Variants in TIE1 observed in about 807,000 individuals in gnomAD.
TIE1 encodes the protein tyrosine-protein kinase receptor Tie-1.
In TIE1, 89 loss-of-function variants were observed where a neutral mutation model predicts 130.5. The ratio of observed to expected loss-of-function variants is 0.68; its 90% CI spans 0.57 to 0.81. The LOEUF (loss-of-function observed/expected upper bound fraction) is 0.81, where lower values mean the gene tolerates loss of function less well. TIE1 is among the 40% of genes least tolerant of loss of function. The pLI is 0.00. For synonymous variants in TIE1, 568 were observed against 629.4 expected, an observed-to-expected ratio of 0.90 and a Z score of 1.46; for missense variants, 1,392 against 1,559.8, an observed-to-expected ratio of 0.89 and a Z score of 1.81.
At chr1:43,308,932 T>C (rs777210616) in intron 7 of TIE1, 54 bp from the exon 8 acceptor site, 54 of 1,613,160 alleles carry the variant, frequency 3.3e-5, no homozygotes, top group Non-Finnish European at 4.5e-5. Context: ...GGCGCTTTGG[T>C]GGTCACGTGT....
chr1:43,313,905 C>A lies in TIE1; in HGVS notation c.2346C>A (p.Thr782=). The change falls in exon 14 of 23, where the codon ACC becomes ACA. Residue 782 remains threonine (T), a synonymous_variant. Coordinates refer to ENST00000372476, the MANE Select transcript of TIE1 (RefSeq NM_005424.5). The surrounding 1 kb of genome is among the most constrained non-coding windows in gnomAD (Gnocchi z 6.2). Reference sequence around the variant, plus strand: ...TCACCATCCTGGCTGCCCTTTTAACCCTGGTGTGCATCCGCAGAAGCTGCC... The same window carrying A: ...TCACCATCCTGGCTGCCCTTTTAACACTGGTGTGCATCCGCAGAAGCTGCC... ...TCLTILAALL[T]LVCIRRSCLH... 1.2e-6 allele frequency: 2 copies of A among 1,614,148 alleles called. No homozygotes were observed. The highest frequency in any genetic ancestry group is 2.2e-5 in the East Asian group (1 of 44,856).
Position 43,317,873 on chromosome 1 carries a change from G to C in TIE1, c.2732-9G>C. The C allele has an allele frequency of 6.2e-7, 1 of 1,613,436 alleles. No homozygotes were observed. Among genetic ancestry groups the C allele is most frequent in the Non-Finnish European group, 8.5e-7 (1 of 1,179,674 alleles). On this transcript the variant is annotated splice_polypyrimidine_tract_variant and intron_variant, in intron 16 of 22. Coordinates refer to ENST00000372476, the MANE Select transcript of TIE1 (RefSeq NM_005424.5). The surrounding 1 kb of genome is among the most constrained non-coding windows in gnomAD (Gnocchi z 5.1). ...CTAAATCACCACTGTCTGTCTCTTT[G>C]CCTCTCAGGTTACTTGTATATCGCT...
At position 43,313,936 on chromosome 1, in the gene TIE1, C is replaced by T. The variant is rs761404235; in HGVS notation, c.2377C>T (p.Arg793Trp). 7 of 1,614,160 alleles carry T rather than the reference C, an allele frequency of 4.3e-6. No individual in the cohort carries two copies. The highest frequency in any genetic ancestry group is 4.5e-5 in the East Asian group (2 of 44,874). Residue 793 changes from arginine (R) to tryptophan (W), a missense_variant, in exon 14 of 23, where the codon CGG (arginine) becomes TGG (tryptophan). Transcript: ENST00000372476. This position sits in a 1 kb window ranked among gnomAD's most constrained non-coding sequence, Gnocchi z 6.2. ...GTGCATCCGCAGAAGCTGCCTGCAT[C>T]GGAGACGCACCTTCACCTACCAGTC... ...LVCIRRSCLHRRRTFTYQSGS... is the reference protein window; with the variant it reads ...LVCIRRSCLHWRRTFTYQSGS...
Position 43,316,851 on chromosome 1 carries a change from T to A in TIE1, c.2410-348T>A, listed in dbSNP as rs143026208. ...CCTTTTCTGTTTTAAATGTTAGAAA[T>A]ATCCTCCTTCCATTGACTCACATTG... On this transcript the variant is annotated intron_variant, in intron 14 of 22. Transcript: ENST00000372476. The surrounding 1 kb of genome is among the most constrained non-coding windows in gnomAD (Gnocchi z 4.4). 1.9e-3 allele frequency among the ~76,000 whole-genome samples: 285 copies of A among 152,308 alleles called. 1 individual carries two copies. The highest frequency in any genetic ancestry group is 3.0e-3 in the Non-Finnish European group (206 of 68,010).
At chr1:43,302,630 G>A (rs1179233616) in intron 1 of TIE1, 1 of 152,288 alleles carries the variant, frequency 6.6e-6, no homozygotes, top group Non-Finnish European at 1.5e-5. Context: ...GGGAGAGAAG[G>A]TGCCTGTTAG....
chr1:43,305,088 T>TCGTGGGCGTCTTCTCCTG lies in TIE1; in HGVS notation c.305_322dup (p.Val102_Gly107dup), dbSNP rs1646713313. 20 of 1,612,558 alleles carry TCGTGGGCGTCTTCTCCTG rather than the reference T, an allele frequency of 1.2e-5. No homozygotes were observed. The highest frequency in any genetic ancestry group is 2.2e-5 in the East Asian group (1 of 44,842). On this transcript the variant is annotated inframe_insertion, in exon 2 of 23. Coordinates refer to ENST00000372476, the MANE Select transcript of TIE1 (RefSeq NM_005424.5). ...CGCGGCTTCTCCAAGCCCTCGGACCTCGTGGGCGTCTTCTCCTGCGTGGGC... is the reference window on the plus strand; with the variant it reads ...CGCGGCTTCTCCAAGCCCTCGGACCTCGTGGGCGTCTTCTCCTGCGTGGGCGTCTTCTCCTGCGTGGGC...
In TIE1 at chr1:43,313,520, C is replaced by A; in HGVS notation, c.2218+95C>A. ...ATCACCCCCTACTGTGGAGCTAGGG[C>A]ATCCCAGGCCCCTCCTGACAAAGAG... On this transcript the variant is annotated intron_variant, in intron 13 of 22. Transcript: ENST00000372476. The surrounding 1 kb of genome is among the most constrained non-coding windows in gnomAD (Gnocchi z 6.2). 1.4e-6 allele frequency: 2 copies of A among 1,442,656 alleles called. No homozygotes were observed. Among genetic ancestry groups the A allele is most frequent in the Non-Finnish European group, 1.9e-6 (2 of 1,058,952 alleles). The allele number at this position is 1,442,656 out of a possible 1,614,324, so 89.4% of individuals were successfully genotyped here.
At position 43,319,542 on chromosome 1, in the gene TIE1, T is replaced by C. The variant is rs372133673; in HGVS notation, c.3107+13T>C. 6.2e-7 allele frequency: 1 copy of C among 1,613,350 alleles called. No homozygotes were observed. The highest frequency in any genetic ancestry group is 8.5e-7 in the Non-Finnish European group (1 of 1,179,598). On this transcript the variant is annotated intron_variant, in intron 19 of 22. Transcript: ENST00000372476. This position sits in a 1 kb window ranked among gnomAD's most constrained non-coding sequence, Gnocchi z 4.7. Reference sequence around the variant, plus strand: ...CCAAGAGTGATGTGTGAGTGTGAGATGAGAGGGCACAGGAGGGCTTGGCCC... The same window carrying C: ...CCAAGAGTGATGTGTGAGTGTGAGACGAGAGGGCACAGGAGGGCTTGGCCC...
At chr1:43,321,233 C>A (rs1246449436) in intron 19 of TIE1, 36 bp from the exon 20 acceptor site, 2 of 1,612,184 alleles carry the variant, frequency 1.2e-6, no homozygotes, top group African/African-American at 2.7e-5. Flanking sequence ...GGGACCAGGG[C>A]CTAGAAGGTA....
In TIE1 at chr1:43,318,280, T is replaced by A. The variant is rs888748372; in HGVS notation, c.2922+208T>A. Among the ~76,000 whole-genome samples the A allele has an allele frequency of 6.6e-6, 1 of 151,956 alleles. No individual in the cohort carries two copies. The highest frequency in any genetic ancestry group is 1.5e-5 in the Non-Finnish European group (1 of 67,986). On this transcript the variant is annotated intron_variant, in intron 17 of 22. Coordinates refer to ENST00000372476, the MANE Select transcript of TIE1 (RefSeq NM_005424.5). The surrounding 1 kb of genome is among the most constrained non-coding windows in gnomAD (Gnocchi z 4.4). ...CAGTATGGAGGGTGCGGGTGTTGAG[T>A]GAGCAGGTCTAGATGCTAGCCTGGA...
At position 43,317,980 on chromosome 1, in the gene TIE1, G is replaced by A; in HGVS notation, c.2830G>A (p.Glu944Lys). Residue 944 changes from glutamate to lysine, a missense_variant, in exon 17 of 23, where the codon GAG becomes AAG. Physicochemically the swap from Glu to Lys is moderately conservative, Grantham distance 56. Coordinates refer to ENST00000372476, the MANE Select transcript of TIE1 (RefSeq NM_005424.5). This position sits in a 1 kb window ranked among gnomAD's most constrained non-coding sequence, Gnocchi z 5.1. ...AGAGACTGACCCAGCTTTTGCTCGA[G>A]AGCATGGGACAGCCTCTACCCTTAG... ...VLETDPAFAR[E>K]HGTASTLSSR... 6.2e-7 allele frequency: 1 copy of A among 1,612,324 alleles called. No individual in the cohort carries two copies. Among genetic ancestry groups the A allele is most frequent in the African/African-American group, 1.3e-5 (1 of 75,032 alleles).
At chr1:43,304,731 G>A (rs1646706278) in intron 1 of TIE1, 120 bp from the exon 2 acceptor site, 5 of 1,091,548 alleles carry the variant, frequency 4.6e-6, no homozygotes, top group Non-Finnish European at 1.2e-6. Flanking sequence ...GAGGGGTGAA[G>A]GTTGGAGACC....
intron 7 of TIE1, 190 bp from the exon 8 acceptor site, chr1:43,308,796 G>A (rs149632480): frequency 9.4e-6 from 7 of 745,378 alleles, no homozygotes; most frequent in Non-Finnish European, 1.7e-5. Flanking sequence ...AGGTGGTTAG[G>A]AAGTAGACTT....
At position 43,305,085 on chromosome 1, in the gene TIE1, ACCTCGTGGG is replaced by A; in HGVS notation, c.295_303del (p.Leu99_Gly101del). 1.2e-6 allele frequency: 2 copies of A among 1,612,324 alleles called. No individual in the cohort carries two copies. Among genetic ancestry groups the A allele is most frequent in the Non-Finnish European group, 1.7e-6 (2 of 1,179,132 alleles). ...CTTCGCGGCTTCTCCAAGCCCTCGGACCTCGTGGGCGTCTTCTCCTGCGTGGGCGGTGCT... is the reference window on the plus strand; with the variant it reads ...CTTCGCGGCTTCTCCAAGCCCTCGGACGTCTTCTCCTGCGTGGGCGGTGCT... On this transcript the variant is annotated inframe_deletion, in exon 2 of 23. Coordinates refer to ENST00000372476, the MANE Select transcript of TIE1 (RefSeq NM_005424.5).
rs1232593001 is a variant in TIE1 at position 43,317,841 on chromosome 1, C to T, written c.2732-41C>T. On this transcript the variant is annotated intron_variant, in intron 16 of 22. Coordinates refer to ENST00000372476, the MANE Select transcript of TIE1 (RefSeq NM_005424.5). The surrounding 1 kb of genome is among the most constrained non-coding windows in gnomAD (Gnocchi z 5.1). ...GGGTGCCTGCTCCCACCCTAGGTTGCCTGTGTCTAAATCACCACTGTCTGT... is the reference window on the plus strand; with the variant it reads ...GGGTGCCTGCTCCCACCCTAGGTTGTCTGTGTCTAAATCACCACTGTCTGT... 2 of 1,607,102 alleles carry T rather than the reference C, an allele frequency of 1.2e-6. No homozygotes were observed. Among genetic ancestry groups the T allele is most frequent in the South Asian group, 2.2e-5 (2 of 90,468 alleles).
rs1272876331 is a variant in TIE1, at chr1:43,322,079, C to A, written c.3345+364C>A. ...GCAGAGTGCATGAATAGTCACTAAC[C>A]AGATGGATGGATGGGTGAATGAGTG... On this transcript the variant is annotated intron_variant, in intron 22 of 22. Transcript: ENST00000372476. This position sits in a 1 kb window ranked among gnomAD's most constrained non-coding sequence, Gnocchi z 4.0. 1.3e-5 allele frequency among the ~76,000 whole-genome samples: 2 copies of A among 152,108 alleles called. No individual in the cohort carries two copies. The highest frequency in any genetic ancestry group is 2.9e-5 in the Non-Finnish European group (2 of 68,016).
intron 1 of TIE1, among the ~76,000 whole-genome samples, chr1:43,303,470 C>T (rs1263755933): frequency 1.3e-5 from 2 of 152,296 alleles, no homozygotes; most frequent in East Asian, 1.9e-4. Flanking sequence ...ATGCCAGCTT[C>T]GTTTGCTCAT....
chr1:43,321,809 G>GC, intron 22 of TIE1, 94 bp downstream of exon 22: 1 of 1,225,174 alleles, frequency 8.2e-7, no homozygotes. Context: ...CAACCACACT[G>GC]CCTGCCCAAC....
chr1:43,318,223 C>CA lies in TIE1; in HGVS notation c.2922+153dup, dbSNP rs1237311037. ...TGCAAGCACAGCGAGGAGGCAGGGCCAAGGGGCAGGTCTGGAGGAGGTGGG... is the reference window on the plus strand; with the variant it reads ...TGCAAGCACAGCGAGGAGGCAGGGCCAAAGGGGCAGGTCTGGAGGAGGTGGG... On this transcript the variant is annotated intron_variant, in intron 17 of 22. Transcript: ENST00000372476. This position sits in a 1 kb window ranked among gnomAD's most constrained non-coding sequence, Gnocchi z 4.4. 2 of 1,003,240 alleles carry CA rather than the reference C, an allele frequency of 2.0e-6. No individual in the cohort carries two copies. The highest frequency in any genetic ancestry group is 2.8e-6 in the Non-Finnish European group (2 of 714,232). The allele number at this position is 1,003,240 out of a possible 1,614,324, so 62.1% of individuals were successfully genotyped here.
Sources: gnomAD v4.1 joint callset for allele counts (sites outside exome capture counted in the v4.1 genomes callset) on GRCh38, gnomAD v4.1.1 for gene constraint, Gnocchi (gnomAD v3.1) non-coding constraint, MANE v1.5 for transcripts, NCBI Gene and HGNC (gene_info 2026-07-23, HGNC 2026-07-21) for gene names.